The following SLC27A4 variants were observed in gnomAD, a reference collection of about 807,000 sequenced individuals.
SLC27A4 encodes long-chain fatty acid transport protein 4.
In SLC27A4, 33 loss-of-function variants were observed where a neutral mutation model predicts 64.4. That is an observed-to-expected ratio of 0.51 (90% CI 0.39 to 0.68). SLC27A4 has a LOEUF of 0.68. SLC27A4 is among the 30% of genes least tolerant of loss of function. The pLI, the probability that SLC27A4 is intolerant of heterozygous loss-of-function variation, is 0.00. For missense variants in SLC27A4, 824 were observed against 883.5 expected (o/e 0.93, Z 0.85); for synonymous variants, 377 against 370.0 (o/e 1.02, Z -0.22).
In SLC27A4 at chr9:128,360,980, AGG is replaced by A; in HGVS notation, c.*490_*491del. ...ACCCCCACCTCCAGGAGGGGAGGAG[AGG>A]ACCTGACATCTGTAGGTGGCCCCTG... On this transcript the variant is annotated 3_prime_UTR_variant, in exon 13 of 13. Transcript: ENST00000300456. 3 of 193,394 alleles carry A rather than the reference AGG, an allele frequency of 1.6e-5. No individual in the cohort carries two copies. Among genetic ancestry groups the A allele is most frequent in the Admixed American group, 1.1e-4 (2 of 18,772 alleles). 12.0% of individuals were successfully genotyped at this position (193,394 alleles called of 1,614,324 possible). A position where few individuals can be genotyped will look rare whatever the true frequency, so the allele number is the denominator to read the frequency against.
intron 4 of SLC27A4, 91 bp downstream of exon 4, chr9:128,348,794 C>T (rs1832694682): frequency 4.4e-6 from 6 of 1,357,926 alleles, no homozygotes; most frequent in Non-Finnish European, 5.2e-6. Context: ...TTTCTGGAAA[C>T]TTGCCATGTG....
intron 6 of SLC27A4, 90 bp downstream of exon 6, chr9:128,350,665 A>G (rs1411595600): frequency 1.9e-6 from 2 of 1,059,414 alleles, no homozygotes; most frequent in African/African-American, 1.6e-5. Flanking sequence ...GTAGAAACAC[A>G]CAGCTTTGGG....
intron 10 of SLC27A4, 41 bp from the exon 11 acceptor site, chr9:128,355,357 G>A: frequency 6.2e-7 from 1 of 1,612,156 alleles, no homozygotes; most frequent in African/African-American, 1.3e-5. Context: ...TGGTCTCAGA[G>A]CTGGCCAGGC....
chr9:128,347,258 C>G (rs750680158), intron 3 of SLC27A4, among the ~76,000 whole-genome samples: 1 of 152,124 alleles, frequency 6.6e-6, no homozygotes, highest in Non-Finnish European at 1.5e-5. Flanking sequence ...AGGTAGGGAT[C>G]TTGGTTTTAT....
intron 7 of SLC27A4, 54 bp downstream of exon 7, chr9:128,352,801 CA>C (rs1832757058): frequency 1.5e-6 from 2 of 1,361,880 alleles, no homozygotes; most frequent in African/African-American, 1.4e-5. Flanking sequence ...ACCCTCTTCC[CA>C]ACTACACTCC....
chr9:128,344,783 C>T (rs1832628423), intron 2 of SLC27A4, among the ~76,000 whole-genome samples: 1 of 152,114 alleles, frequency 6.6e-6, no homozygotes, highest in South Asian at 2.1e-4. Context: ...TTACAGGAAG[C>T]TCTGGAGACC....
rs376201304 is a variant in SLC27A4, at chr9:128,348,700, A to G, written c.712A>G (p.Thr238Ala). 20 of 1,613,798 alleles carry G rather than the reference A, an allele frequency of 1.2e-5. No homozygotes were observed. The South Asian group carries it at 2.2e-4, about 18-fold the overall frequency. ...HLPSCPDKGF[T>A]DKLFYIYTSG... ...TCCCAGTTGCCCTGACAAGGGCTTC[A>G]CAGGTGGGCTCCATCCCCTCCCCAT... The change falls in exon 4 of 13, where the codon ACA (threonine) becomes GCA (alanine). Residue 238 changes from threonine to alanine, a missense_variant. Coordinates refer to ENST00000300456, the MANE Select transcript of SLC27A4 (RefSeq NM_005094.4).
rs769406053 is a variant in SLC27A4, at chr9:128,353,237, G to A, written c.1197+3G>A. ...GCCTGGGCAACTTCGACAGCCAGGT[G>A]CGGCCAGGTTGGGGATGGGCGAGGC... On this transcript the variant is annotated splice_donor_region_variant and intron_variant, in intron 8 of 12. Coordinates refer to ENST00000300456, the MANE Select transcript of SLC27A4 (RefSeq NM_005094.4). The surrounding 1 kb of genome is among the most constrained non-coding windows in gnomAD (Gnocchi z 4.9). The A allele has an allele frequency of 2.5e-6, 4 of 1,613,908 alleles. No individual in the cohort carries two copies. The highest frequency in any genetic ancestry group is 4.5e-5 in the East Asian group (2 of 44,892).
chr9:128,355,512 G>GC lies in SLC27A4; in HGVS notation c.1579dup (p.Arg527ProfsTer7), dbSNP rs1259764712. ...ACCACCGAGGTGGAAGGCACACTCA[G>GC]CCGCCTGCTGGACATGGCTGACGTG... On this transcript the variant is annotated frameshift_variant, in exon 11 of 13. Transcript: ENST00000300456. LOFTEE classifies it high-confidence loss of function. 5 of 1,613,060 alleles carry GC rather than the reference G, an allele frequency of 3.1e-6. No homozygotes were observed. The highest frequency in any genetic ancestry group is 1.3e-5 in the African/African-American group (1 of 74,944).
chr9:128,350,023 G>A (rs1204316412), intron 4 of SLC27A4, among the ~76,000 whole-genome samples: 1 of 152,228 alleles, frequency 6.6e-6, no homozygotes, highest in African/African-American at 2.4e-5. Context: ...GTCCTCATCT[G>A]ACTGTTCCAC....
chr9:128,356,502 A>G (rs2131270728), intron 12 of SLC27A4, among the ~76,000 whole-genome samples: 1 of 152,362 alleles, frequency 6.6e-6, no homozygotes, highest in African/African-American at 2.4e-5. Flanking sequence ...AGGGAGCCAC[A>G]GAAGCATCTC....
rs1832553305 is a variant in SLC27A4 at position 128,340,585 on chromosome 9, T to G, written c.-260T>G. On this transcript the variant is annotated 5_prime_UTR_variant, in exon 1 of 13. Coordinates refer to ENST00000300456, the MANE Select transcript of SLC27A4 (RefSeq NM_005094.4). ...TGTGGCTTGCCGGCTTCGGGGAAGG[T>G]GCGGCAGGCGGTGCTGCGGCCTGGC... is the stretch of plus-strand genomic sequence containing the variant. 3 of 222,726 alleles carry G rather than the reference T, an allele frequency of 1.3e-5. No homozygotes were observed. The highest frequency in any genetic ancestry group is 8.3e-6 in the Non-Finnish European group (1 of 120,666). 13.8% of individuals were successfully genotyped at this position (222,726 alleles called of 1,614,324 possible).
In SLC27A4 at chr9:128,340,840, T is replaced by G. The variant is rs1564397186; in HGVS notation, c.-7+2T>G. 1 of 683,166 alleles carries G rather than the reference T, an allele frequency of 1.5e-6. No homozygotes were observed. Among genetic ancestry groups the G allele is most frequent in the East Asian group, 2.9e-5 (1 of 34,550 alleles). The allele number at this position is 683,166 out of a possible 1,614,324, so 42.3% of individuals were successfully genotyped here. On this transcript the variant is annotated splice_donor_variant, in intron 1 of 12. Coordinates refer to ENST00000300456, the MANE Select transcript of SLC27A4 (RefSeq NM_005094.4). LOFTEE classifies it low-confidence loss of function (5UTR_SPLICE). ...GCCGCGCGGCGGAGCCGACGCCGGG[T>G]GAGCATAGACCGGGCTGGTGGGTTC... is the stretch of plus-strand genomic sequence containing the variant.
intron 1 of SLC27A4, chr9:128,342,685 A>T (rs1196616151): frequency 7.0e-6 from 2 of 287,282 alleles, no homozygotes; most frequent in South Asian, 4.2e-5. Context: ...TCAGAGTGCC[A>T]TTTTTTTTTT....
In SLC27A4 at chr9:128,351,120, T is replaced by C. The variant is rs180693908; in HGVS notation, c.877+545T>C. On this transcript the variant is annotated intron_variant, in intron 6 of 12. Coordinates refer to ENST00000300456, the MANE Select transcript of SLC27A4 (RefSeq NM_005094.4). ...AAAAAAAAAAAAGAAAGAAATTATC[T>C]GGGTGTGGTGGCGTGTGCCTGTAGT... 7.8e-4 allele frequency among the ~76,000 whole-genome samples: 117 copies of C among 149,988 alleles called. 1 individual carries two copies. The highest frequency in any genetic ancestry group is 2.6e-3 in the African/African-American group (104 of 40,756).
At chr9:128,341,951 G>T (rs1056051162) in intron 1 of SLC27A4, among the ~76,000 whole-genome samples, 1 of 152,064 alleles carries the variant, frequency 6.6e-6, no homozygotes, top group Admixed American at 6.6e-5. Flanking sequence ...CTTGGTCAGG[G>T]TGGTCTCGAA....
Position 128,355,133 on chromosome 9 carries a change from A to G in SLC27A4, c.1405A>G (p.Asn469Asp), listed in dbSNP as rs777098482. 1.2e-6 allele frequency: 2 copies of G among 1,613,402 alleles called. No homozygotes were observed. The highest frequency in any genetic ancestry group is 8.5e-7 in the Non-Finnish European group (1 of 1,179,780). The part of the protein sequence containing the change: ...RFDGYLNQGA[N>D]NKKIAKDVFK... ...CGATGGCTACCTCAACCAGGGCGCC[A>G]ACAACAAGAAGATTGCCAAGGATGT... Residue 469 changes from asparagine (N) to aspartate (D), a missense_variant, in exon 10 of 13, where the codon AAC becomes GAC. Coordinates refer to ENST00000300456, the MANE Select transcript of SLC27A4 (RefSeq NM_005094.4).
Position 128,348,669 on chromosome 9 carries a change from G to A in SLC27A4, c.681G>A (p.Lys227=). Residue 227 remains lysine (K), a synonymous_variant, in exon 4 of 13, where the codon AAG becomes AAA. Coordinates refer to ENST00000300456, the MANE Select transcript of SLC27A4 (RefSeq NM_005094.4). ...HLDPLLKDAP[K]HLPSCPDKGF... ...ACCCTCTGCTGAAAGATGCTCCCAAGCACCTTCCCAGTTGCCCTGACAAGG... is the reference window on the plus strand; with the variant it reads ...ACCCTCTGCTGAAAGATGCTCCCAAACACCTTCCCAGTTGCCCTGACAAGG... 1 of 1,614,088 alleles carries A rather than the reference G, an allele frequency of 6.2e-7. No individual in the cohort carries two copies. The highest frequency in any genetic ancestry group is 8.5e-7 in the Non-Finnish European group (1 of 1,180,046).
At position 128,345,371 on chromosome 9, in the gene SLC27A4, C is replaced by A; in HGVS notation, c.378C>A (p.Gly126=). Residue 126 remains glycine (G), a synonymous_variant, in exon 3 of 13, where the codon GGC becomes GGA. Transcript: ENST00000300456. The surrounding 1 kb of genome is among the most constrained non-coding windows in gnomAD (Gnocchi z 4.1). ...TGCAGGCCCGGGGCCTGGCCTCGGG[C>A]GATGTGGCTGCCATCTTCATGGAGA... ...NFLQARGLAS[G]DVAAIFMENR... is the part of the protein sequence containing the mutation. The A allele has an allele frequency of 1.2e-6, 2 of 1,613,716 alleles. No homozygotes were observed. Among genetic ancestry groups the A allele is most frequent in the Non-Finnish European group, 1.7e-6 (2 of 1,180,016 alleles).
Sources: gnomAD v4.1 joint callset for allele counts (sites outside exome capture counted in the v4.1 genomes callset) on GRCh38, gnomAD v4.1.1 for gene constraint, Gnocchi (gnomAD v3.1) non-coding constraint, MANE v1.5 for transcripts, NCBI Gene and HGNC (gene_info 2026-07-23, HGNC 2026-07-21) for gene names.